Variants in MPZL1 observed in about 807,000 individuals in gnomAD.
The protein encoded by MPZL1 is myelin protein zero-like protein 1.
Under a neutral mutation model 29.3 loss-of-function variants are expected in MPZL1, and 16 were observed. The ratio of observed to expected loss-of-function variants is 0.55; its 90% confidence interval spans 0.37 to 0.83. The LOEUF (loss-of-function observed/expected upper bound fraction) is 0.83, where lower values mean the gene tolerates loss of function less well. Among genes scored for constraint, MPZL1 ranks in the 40% least tolerant of loss-of-function variants. The pLI is 0.00. For missense variants in MPZL1, 279 were observed against 332.9 expected, an observed-to-expected ratio of 0.84 and a Z score of 1.26; for synonymous variants, 143 against 132.0, an observed-to-expected ratio of 1.08 and a Z score of -0.57.
At chr1:167,722,557 C>A (rs1182156151) in intron 1 of MPZL1, among the ~76,000 whole-genome samples, 8 of 152,204 alleles carry the variant, frequency 5.3e-5, no homozygotes. Flanking sequence ...CTGCGGTGAG[C>A]CCTCGCGGCG....
At chr1:167,766,679 A>C (rs1440155994) in intron 2 of MPZL1, among the ~76,000 whole-genome samples, 2 of 152,204 alleles carry the variant, frequency 1.3e-5, no homozygotes, top group African/African-American at 4.8e-5. Flanking sequence ...GTTGATCACC[A>C]CCTAGATGTT....
At chr1:167,751,177 A>G (rs1310151441) in intron 1 of MPZL1, among the ~76,000 whole-genome samples, 2 of 152,160 alleles carry the variant, frequency 1.3e-5, no homozygotes, top group Non-Finnish European at 2.9e-5. Context: ...CTTATGGGTA[A>G]TTCTTTGAAA....
At chr1:167,752,063 ATT>A (rs2101768657) in intron 1 of MPZL1, among the ~76,000 whole-genome samples, 1 of 152,382 alleles carries the variant, frequency 6.6e-6, no homozygotes, top group South Asian at 2.1e-4. Flanking sequence ...GCTCATCTGA[ATT>A]CAGACTACCT....
At chr1:167,762,689 C>G (rs1430301833) in intron 1 of MPZL1, among the ~76,000 whole-genome samples, 1 of 152,172 alleles carries the variant, frequency 6.6e-6, no homozygotes, top group Non-Finnish European at 1.5e-5. Context: ...TGTAAGGAGG[C>G]AGCTTTAGGC....
chr1:167,771,880 T>C (rs1361199569), intron 2 of MPZL1, among the ~76,000 whole-genome samples: 2 of 151,836 alleles, frequency 1.3e-5, no homozygotes, highest in African/African-American at 2.4e-5. Flanking sequence ...ACCCAGCACC[T>C]TGGGAGGCTG....
In MPZL1 at chr1:167,790,671, A is replaced by C. The variant is rs1465752811; in HGVS notation, c.*2750A>C. On this transcript the variant is annotated 3_prime_UTR_variant, in exon 6 of 6. Coordinates refer to ENST00000359523, the MANE Select transcript of MPZL1 (RefSeq NM_003953.6). ...GCGCTAATTCTGTATGGGAGCACTC[A>C]AAAGGCATTACTTAGAGATTGAAAT... The C allele has an allele frequency of 6.6e-6, 1 of 152,226 alleles. No homozygotes were observed. Among genetic ancestry groups the C allele is most frequent in the Non-Finnish European group, 1.5e-5 (1 of 68,046 alleles). 9.4% of individuals were successfully genotyped at this position (152,226 alleles called of 1,614,324 possible). A position where few individuals can be genotyped will look rare whatever the true frequency, so the allele number is the denominator to read the frequency against.
intron 1 of MPZL1, among the ~76,000 whole-genome samples, chr1:167,742,355 T>A (rs140162433): frequency 6.6e-6 from 1 of 152,226 alleles, no homozygotes; most frequent in African/African-American, 2.4e-5. Context: ...AAACCCGGCA[T>A]ATAAATATAT....
At chr1:167,768,826 C>T (rs1466842780) in intron 2 of MPZL1, among the ~76,000 whole-genome samples, 10 of 152,186 alleles carry the variant, frequency 6.6e-5, no homozygotes, top group Non-Finnish European at 1.2e-4. Flanking sequence ...CATCATGTAG[C>T]TCATCCCCGC....
chr1:167,759,143 A>T (rs974800638), intron 1 of MPZL1, among the ~76,000 whole-genome samples: 2 of 152,244 alleles, frequency 1.3e-5, no homozygotes, highest in Admixed American at 6.5e-5. Flanking sequence ...CCACTATGCC[A>T]TAATTATAAA....
rs570508820 is a variant in MPZL1 at position 167,725,756 on chromosome 1, A to T, written c.91+3514A>T. Reference sequence around the variant, plus strand: ...CGCCTTGGCCTCCCAAAGTGCTGGGATTACAGGCGTGAGCCACCACATCTG... The same window carrying T: ...CGCCTTGGCCTCCCAAAGTGCTGGGTTTACAGGCGTGAGCCACCACATCTG... On this transcript the variant is annotated intron_variant, in intron 1 of 5. Coordinates refer to ENST00000359523, the MANE Select transcript of MPZL1 (RefSeq NM_003953.6). Among the ~76,000 whole-genome samples, 56 of 152,312 alleles carry T rather than the reference A, an allele frequency of 3.7e-4. No homozygotes were observed. In the East Asian group the frequency reaches 5.2e-3, roughly 14 times the overall value.
At chr1:167,771,020 AATTG>A (rs1348341396) in intron 2 of MPZL1, among the ~76,000 whole-genome samples, 3 of 126,816 alleles carry the variant, frequency 2.4e-5, no homozygotes, top group South Asian at 2.5e-4. Context: ...TTTTTTTTTT[AATTG>A]ATCATTCTTG....
At chr1:167,764,547 A>G (rs1016122583) in intron 1 of MPZL1, among the ~76,000 whole-genome samples, 3 of 152,254 alleles carry the variant, frequency 2.0e-5, no homozygotes, top group African/African-American at 7.2e-5. Flanking sequence ...TTATAAGAAA[A>G]GGATCAGTTA....
intron 1 of MPZL1, among the ~76,000 whole-genome samples, chr1:167,739,274 C>CATATATATATATACATATATATATAT (rs201991698): frequency 1.6e-4 from 13 of 83,284 alleles, no homozygotes; most frequent in African/African-American, 8.5e-4. Context: ...TACATATATA[C>CATATATATATATACATATATATATAT]ATATATACAT....
intron 1 of MPZL1, among the ~76,000 whole-genome samples, chr1:167,741,643 G>A (rs920008144): frequency 6.6e-6 from 1 of 152,004 alleles, no homozygotes; most frequent in African/African-American, 2.4e-5. Flanking sequence ...CTTCTTAACT[G>A]CTTTCCCAAT....
intron 1 of MPZL1, among the ~76,000 whole-genome samples, chr1:167,741,955 C>T (rs556496741): frequency 6.6e-6 from 1 of 151,952 alleles, no homozygotes; most frequent in Non-Finnish European, 1.5e-5. Context: ...ATTGCTTGCA[C>T]CTGGGAGGTT....
chr1:167,773,200 A>C, intron 3 of MPZL1, 36 bp from the exon 4 acceptor site: 1 of 1,593,604 alleles, frequency 6.3e-7, no homozygotes, highest in South Asian at 1.1e-5. Flanking sequence ...TCTCTGTAGC[A>C]ATGTACCTTA....
At chr1:167,755,330 T>C (rs1451331987) in intron 1 of MPZL1, among the ~76,000 whole-genome samples, 1 of 152,222 alleles carries the variant, frequency 6.6e-6, no homozygotes, top group Non-Finnish European at 1.5e-5. Context: ...TTGGTTCACA[T>C]ATCTTCAAAC....
chr1:167,779,190 T>A (rs1186472175), intron 5 of MPZL1, among the ~76,000 whole-genome samples: 1 of 151,098 alleles, frequency 6.6e-6, no homozygotes, highest in Non-Finnish European at 1.5e-5. Context: ...TATCAAGCAA[T>A]CTAATTAGAA....
At chr1:167,728,394 G>A (rs1293810881) in intron 1 of MPZL1, among the ~76,000 whole-genome samples, 3 of 130,246 alleles carry the variant, frequency 2.3e-5, no homozygotes. Flanking sequence ...TTTTAGTAGA[G>A]ATGGGGTTTC....
Sources: allele counts gnomAD v4.1 joint callset (sites outside exome capture counted in the v4.1 genomes callset), GRCh38; gene constraint gnomAD v4.1.1; transcripts MANE v1.5; gene names NCBI Gene and HGNC (gene_info 2026-07-23, HGNC 2026-07-21).